Variants in MAPK10 observed in about 807,000 individuals in gnomAD.
The protein encoded by MAPK10 is JNK3 alpha protein kinase.
MAPK10 carries 25 observed loss-of-function variants against 59.3 expected under a neutral mutation model. The ratio of observed to expected loss-of-function variants is 0.42; its 90% CI spans 0.31 to 0.59. The LOEUF (loss-of-function observed/expected upper bound fraction) is 0.59, where lower values mean the gene tolerates loss of function less well. MAPK10 is among the 20% of genes least tolerant of loss of function. MAPK10 has a pLI of 0.15. For synonymous variants in MAPK10, 190 were observed against 200.5 expected, an observed-to-expected ratio of 0.95 and a Z score of 0.44; for missense variants, 351 against 568.9, an observed-to-expected ratio of 0.62 and a Z score of 3.90.
intron 1 of MAPK10, among the ~76,000 whole-genome samples, chr4:86,407,212 T>C (rs1425569449): frequency 6.6e-6 from 1 of 152,212 alleles, no homozygotes; most frequent in East Asian, 1.9e-4. Context: ...CTTTGACATG[T>C]GTTATTATGT....
chr4:86,170,399 G>A (rs895941403), intron 3 of MAPK10, among the ~76,000 whole-genome samples: 44 of 152,100 alleles, frequency 2.9e-4, no homozygotes, highest in Non-Finnish European at 3.1e-4. Context: ...AAAAAAGGCA[G>A]AGGTTACAAT....
intron 3 of MAPK10, among the ~76,000 whole-genome samples, chr4:86,173,132 T>C (rs541736367): frequency 6.0e-4 from 91 of 152,156 alleles, no homozygotes; most frequent in Non-Finnish European, 1.1e-3. Flanking sequence ...TTAAAATTCA[T>C]ATGAAACCAA....
Position 86,481,881 on chromosome 4 carries a change from T to C in MAPK10, c.-263+112029A>G, listed in dbSNP as rs147610351. Among the ~76,000 whole-genome samples the C allele has an allele frequency of 1.1e-4, 16 of 152,302 alleles. No individual in the cohort carries two copies. In the East Asian group the frequency reaches 3.1e-3, roughly 29 times the overall value. On this transcript the variant is annotated intron_variant, in intron 1 of 4. Coordinates refer to the MAPK10 transcript ENST00000502302. ...CTCTGGACTGCTTGATTTCTCTAAG[T>C]TCTCAGCACTTTGAGTTATTTTTCT...
intron 1 of MAPK10, among the ~76,000 whole-genome samples, chr4:86,465,200 C>CTCACATGATT (rs1752091187): frequency 1.3e-5 from 2 of 152,296 alleles, no homozygotes; most frequent in African/African-American, 4.8e-5. Flanking sequence ...CTCACTTTGT[C>CTCACATGATT]TGGACTACAT....
chr4:86,218,786 C>T (rs1188078286), intron 2 of MAPK10, among the ~76,000 whole-genome samples: 5 of 152,110 alleles, frequency 3.3e-5, no homozygotes, highest in South Asian at 4.1e-4. Flanking sequence ...AAAAATCTAA[C>T]GATATAATGA....
chr4:86,162,252 T>C (rs1456126135), intron 3 of MAPK10, among the ~76,000 whole-genome samples: 1 of 151,562 alleles, frequency 6.6e-6, no homozygotes, highest in East Asian at 1.9e-4. Flanking sequence ...TTCTATATAA[T>C]AGAAATAAAA....
At chr4:86,105,433 T>C (rs971357017) in intron 5 of MAPK10, among the ~76,000 whole-genome samples, 6 of 152,138 alleles carry the variant, frequency 3.9e-5, no homozygotes, top group African/African-American at 1.4e-4. Flanking sequence ...TTCATAAATA[T>C]GAGTCTCCAA....
chr4:86,178,710 G>T (rs2076231141), intron 3 of MAPK10, among the ~76,000 whole-genome samples: 1 of 152,074 alleles, frequency 6.6e-6, no homozygotes, highest in Non-Finnish European at 1.5e-5. Flanking sequence ...AATAAGTAAA[G>T]GGCATCCAAA....
chr4:86,076,188 C>G (rs571146376), intron 9 of MAPK10, among the ~76,000 whole-genome samples: 47 of 152,314 alleles, frequency 3.1e-4, no homozygotes, highest in African/African-American at 9.1e-4. Context: ...TTCTTTGACT[C>G]GGAAAGGGAA....
chr4:86,566,557 A>T (rs1308109930), intron 1 of MAPK10, among the ~76,000 whole-genome samples: 1 of 152,036 alleles, frequency 6.6e-6, no homozygotes, highest in Non-Finnish European at 1.5e-5. Context: ...CTACTAAAAA[A>T]TACAAAAATT....
At chr4:86,230,055 T>C (rs1430972289) in intron 2 of MAPK10, among the ~76,000 whole-genome samples, 1 of 152,204 alleles carries the variant, frequency 6.6e-6, no homozygotes, top group African/African-American at 2.4e-5. Context: ...AGCGAGACCT[T>C]GTCTCAAAGT....
At chr4:86,173,156 T>G (rs753154656) in intron 3 of MAPK10, among the ~76,000 whole-genome samples, 4 of 152,114 alleles carry the variant, frequency 2.6e-5, no homozygotes, top group Non-Finnish European at 5.9e-5. Flanking sequence ...AGAACCCGTA[T>G]AGCCAATACA....
chr4:86,184,107 G>A (rs1207841639), intron 3 of MAPK10, among the ~76,000 whole-genome samples: 1 of 152,084 alleles, frequency 6.6e-6, no homozygotes, highest in African/African-American at 2.4e-5. Flanking sequence ...TCACTCTGAT[G>A]GTAGTTTCTT....
chr4:86,013,863 AG>A lies in MAPK10; in HGVS notation c.*3364del, dbSNP rs1742215478. On this transcript the variant is annotated 3_prime_UTR_variant, in exon 14 of 14. Transcript: ENST00000641462. ...CAAAACTCAGTCATCAGATTCTTGA[AG>A]ATGAAAGGTTATTATCAGTTTTTAT... 1 of 152,230 alleles carries A rather than the reference AG, an allele frequency of 6.6e-6. No individual in the cohort carries two copies. Among genetic ancestry groups the A allele is most frequent in the Admixed American group, 6.5e-5 (1 of 15,282 alleles). The allele number at this position is 152,230 out of a possible 1,614,324, so 9.4% of individuals were successfully genotyped here.
Position 86,075,132 on chromosome 4 carries a change from A to G in MAPK10, c.803-7177T>C, listed in dbSNP as rs992012687. Among the ~76,000 whole-genome samples, 186 of 151,332 alleles carry G rather than the reference A, an allele frequency of 1.2e-3. 2 individuals are homozygous for G. Among genetic ancestry groups the G allele is most frequent in the Admixed American group, 0.012 (177 of 15,226 alleles). Reference sequence around the variant, plus strand: ...TTCTCTAAACTTCCCTTCTCGCTTCATTTCATTCATTTCATCTTCCATCAC... The same window carrying G: ...TTCTCTAAACTTCCCTTCTCGCTTCGTTTCATTCATTTCATCTTCCATCAC... On this transcript the variant is annotated intron_variant, in intron 9 of 13. Coordinates refer to ENST00000641462, the MANE Select transcript of MAPK10 (RefSeq NM_138982.4).
At chr4:86,302,079 G>C (rs1275769146) in intron 2 of MAPK10, among the ~76,000 whole-genome samples, 1 of 151,844 alleles carries the variant, frequency 6.6e-6, no homozygotes, top group Non-Finnish European at 1.5e-5. Flanking sequence ...TGGCATACAT[G>C]TGCACAATCT....
At chr4:86,065,252 G>T (rs571755634) in intron 10 of MAPK10, 14 of 152,240 alleles carry the variant, frequency 9.2e-5, no homozygotes, top group African/African-American at 3.4e-4. Context: ...AAGAATTGAA[G>T]TGATAGAAAT....
chr4:86,445,168 C>T (rs558063208), intron 1 of MAPK10, among the ~76,000 whole-genome samples: 1 of 152,196 alleles, frequency 6.6e-6, no homozygotes, highest in South Asian at 2.1e-4. Flanking sequence ...TGGAATCAAC[C>T]CAAATGCCCA....
At chr4:86,395,467 G>T (rs1366702281) in intron 1 of MAPK10, among the ~76,000 whole-genome samples, 1 of 152,108 alleles carries the variant, frequency 6.6e-6, no homozygotes, top group African/African-American at 2.4e-5. Flanking sequence ...AATGCCAAGA[G>T]GAGCAAAAGA....
Sources: gnomAD v4.1 joint callset for allele counts (sites outside exome capture counted in the v4.1 genomes callset) on GRCh38, gnomAD v4.1.1 for gene constraint, MANE v1.5 for transcripts, NCBI Gene and HGNC (gene_info 2026-07-23, HGNC 2026-07-21) for gene names.